Variants in GTF2IRD2 observed in about 807,000 individuals in gnomAD.
GTF2IRD2 encodes GTF2I repeat domain containing 2.
A neutral mutation model predicts 49.2 loss-of-function variants in GTF2IRD2; 8 were observed. The ratio of observed to expected loss-of-function variants is 0.16; its 90% CI spans 0.10 to 0.29. GTF2IRD2 has a LOEUF of 0.29. GTF2IRD2 is among the 10% of genes least tolerant of loss of function. The pLI, the probability that GTF2IRD2 is intolerant of heterozygous loss-of-function variation, is 1.00. For missense variants in GTF2IRD2, 130 were observed against 725.7 expected, an observed-to-expected ratio of 0.18 and a Z score of 9.43; for synonymous variants, 47 against 289.7, an observed-to-expected ratio of 0.16 and a Z score of 8.51.
intron 3 of GTF2IRD2, among the ~76,000 whole-genome samples, chr7:74,827,830 C>CTT (rs1188223440): frequency 1.3e-4 from 4 of 31,412 alleles, no homozygotes; most frequent in Admixed American, 4.1e-4. Flanking sequence ...TTTCCTTTCC[C>CTT]TTTTTTTTTT....
At chr7:74,842,813 C>A (rs1800964394) in intron 1 of GTF2IRD2, among the ~76,000 whole-genome samples, 1 of 145,796 alleles carries the variant, frequency 6.9e-6, no homozygotes, top group Admixed American at 6.8e-5. Context: ...CTCAGCCTCC[C>A]AGAGTGTTGG....
chr7:74,836,113 G>T (rs1401867592), intron 2 of GTF2IRD2, among the ~76,000 whole-genome samples, 167 bp downstream of exon 2: 1 of 137,178 alleles, frequency 7.3e-6, no homozygotes, highest in African/African-American at 3.6e-5. Flanking sequence ...AGAGGTTGCC[G>T]TGAGCTGAGA....
At chr7:74,800,134 T>C (rs1554416860) in intron 15 of GTF2IRD2, among the ~76,000 whole-genome samples, 2 of 127,664 alleles carry the variant, frequency 1.6e-5, no homozygotes, top group East Asian at 4.5e-4. Flanking sequence ...TTATAAAAGA[T>C]CAAAAAATCA....
chr7:74,826,934 A>C (rs1418653179), intron 3 of GTF2IRD2, among the ~76,000 whole-genome samples: 1 of 151,644 alleles, frequency 6.6e-6, no homozygotes, highest in Non-Finnish European at 1.5e-5. Context: ...CTGGTCTAGA[A>C]CTACTGATCT....
At chr7:74,825,962 G>A (rs1414624170) in intron 3 of GTF2IRD2, among the ~76,000 whole-genome samples, 1 of 151,702 alleles carries the variant, frequency 6.6e-6, no homozygotes, top group South Asian at 2.1e-4. Flanking sequence ...CACCACGCCC[G>A]GCTAATTTTT....
chr7:74,829,596 A>G (rs587702169), intron 3 of GTF2IRD2, among the ~76,000 whole-genome samples: 1 of 148,462 alleles, frequency 6.7e-6, no homozygotes, highest in East Asian at 2.0e-4. Context: ...TAAAATTCAC[A>G]TGGGGCTGGG....
chr7:74,834,746 G>A (rs1800151428), intron 2 of GTF2IRD2, among the ~76,000 whole-genome samples: 1 of 116,714 alleles, frequency 8.6e-6, no homozygotes, highest in Non-Finnish European at 1.6e-5. Flanking sequence ...GTGCTGTGCA[G>A]GCTGGAGTGC....
Position 74,842,531 on chromosome 7 carries a change from C to T in GTF2IRD2, c.-5-6148G>A, listed in dbSNP as rs2131817546. Among the ~76,000 whole-genome samples, 3 of 143,356 alleles carry T rather than the reference C, an allele frequency of 2.1e-5. 1 individual carries two copies. In the Middle Eastern group the frequency reaches 0.012, roughly 569 times the overall value. The allele number at this position is 143,356 out of a possible 152,430, so 94.0% of individuals were successfully genotyped here. On this transcript the variant is annotated intron_variant, in intron 1 of 15. Transcript: ENST00000451013. ...TAGGTGTGAGGCACTATGCCCACCC[C>T]TATTTTTTAAATTTTTATTTATTTT...
chr7:74,818,598 C>G (rs1396839968), intron 8 of GTF2IRD2, among the ~76,000 whole-genome samples: 2 of 137,870 alleles, frequency 1.5e-5, no homozygotes, highest in African/African-American at 5.9e-5. Context: ...TAGCTAGGAT[C>G]ACAGGCATGC....
intron 1 of GTF2IRD2, among the ~76,000 whole-genome samples, chr7:74,842,072 C>T (rs1800882162): frequency 1.0e-5 from 1 of 96,182 alleles, no homozygotes; most frequent in Non-Finnish European, 2.0e-5. Context: ...TGCAGTGAGC[C>T]GAGATCCCAC....
intron 15 of GTF2IRD2, chr7:74,799,005 C>CTTTTTTTT: frequency 7.0e-6 from 1 of 143,136 alleles, no homozygotes; most frequent in African/African-American, 2.6e-5. Context: ...TTCTTTTTTT[C>CTTTTTTTT]TTTTTCTTTT....
At chr7:74,826,041 T>C (rs1554419615) in intron 3 of GTF2IRD2, among the ~76,000 whole-genome samples, 2 of 151,816 alleles carry the variant, frequency 1.3e-5, no homozygotes, top group African/African-American at 4.8e-5. Context: ...TGCCTCGGCC[T>C]CCCAAAGTGC....
At chr7:74,818,779 A>C (rs1399189950) in intron 8 of GTF2IRD2, 2 of 151,162 alleles carry the variant, frequency 1.3e-5, no homozygotes, top group Admixed American at 6.6e-5. Context: ...TTTGAGTAAA[A>C]TAATGGTTCT....
intron 10 of GTF2IRD2, among the ~76,000 whole-genome samples, chr7:74,809,657 C>A (rs1200234875): frequency 1.6e-4 from 5 of 31,050 alleles, no homozygotes; most frequent in African/African-American, 8.1e-4. Context: ...AAAAAAAAAA[C>A]AGAATCATTT....
rs1445366465 is a variant in GTF2IRD2, at chr7:74,812,474, G to T, written c.748+265C>A. Among the ~76,000 whole-genome samples, 68 of 75,732 alleles carry T rather than the reference G, an allele frequency of 9.0e-4. 28 individuals carry two copies. Among genetic ancestry groups the T allele is most frequent in the South Asian group, 4.7e-3 (7 of 1,496 alleles). The allele number at this position is 75,732 out of a possible 152,430, so 49.7% of individuals were successfully genotyped here. ...TCAGCACTTCTGGAGGCCAAGGCTG[G>T]AGGACTACTTAAGCCCAGGAGTTAG... On this transcript the variant is annotated intron_variant, in intron 9 of 15. Transcript: ENST00000451013.
At chr7:74,844,277 C>T (rs1396404329) in intron 1 of GTF2IRD2, among the ~76,000 whole-genome samples, 1 of 144,566 alleles carries the variant, frequency 6.9e-6, no homozygotes, top group Non-Finnish European at 1.5e-5. Context: ...TCCCAAAGTG[C>T]TGGGTTTACA....
At chr7:74,815,883 C>A in intron 8 of GTF2IRD2, among the ~76,000 whole-genome samples, 1 of 91,002 alleles carries the variant, frequency 1.1e-5, no homozygotes, top group Non-Finnish European at 2.3e-5. Flanking sequence ...TAAATTAAAA[C>A]CAGGGAGATG....
Position 74,822,810 on chromosome 7 carries a change from A to G in GTF2IRD2, c.359-3T>C, listed in dbSNP as rs587698096. ...CACTGTTGTCCCTAAGGCTTTACCT[A>G]CAAGAAGACGCAAACGTCTTTGGAT... On this transcript the variant is annotated splice_polypyrimidine_tract_variant and splice_region_variant and intron_variant, in intron 4 of 15. Transcript: ENST00000451013. 1.9e-6 allele frequency: 3 copies of G among 1,545,252 alleles called. No homozygotes were observed. The highest frequency in any genetic ancestry group is 2.6e-6 in the Non-Finnish European group (3 of 1,151,066).
chr7:74,825,236 CA>C (rs1554419394), intron 3 of GTF2IRD2, among the ~76,000 whole-genome samples, 184 bp from the exon 4 acceptor site: 1 of 128,870 alleles, frequency 7.8e-6, no homozygotes, highest in Non-Finnish European at 1.6e-5. Flanking sequence ...ATAAAAAAAT[CA>C]ACATATAAAG....
Sources: allele counts gnomAD v4.1 joint callset (sites outside exome capture counted in the v4.1 genomes callset), GRCh38; gene constraint gnomAD v4.1.1; transcripts MANE v1.5; gene names NCBI Gene and HGNC (gene_info 2026-07-23, HGNC 2026-07-21).